The following ADGRD1 variants were observed in gnomAD, a reference collection of about 807,000 sequenced individuals.
The protein encoded by ADGRD1 is adhesion G protein-coupled receptor D1, also known as G-protein coupled receptor 133.
A neutral mutation model predicts 113.4 loss-of-function variants in ADGRD1; 77 were observed. The ratio of observed to expected loss-of-function variants is 0.68; its 90% CI spans 0.57 to 0.82. ADGRD1 has a LOEUF of 0.82. Among genes scored for constraint, ADGRD1 ranks in the 40% least tolerant of loss-of-function variants. ADGRD1 has a pLI of 0.00. For synonymous variants in ADGRD1, 474 were observed against 475.0 expected, an observed-to-expected ratio of 1.00 and a Z score of 0.03; for missense variants, 1,036 against 1,139.1, an observed-to-expected ratio of 0.91 and a Z score of 1.30.
At chr12:131,081,388 G>T (rs751640114) in intron 14 of ADGRD1, among the ~76,000 whole-genome samples, 6 of 152,010 alleles carry the variant, frequency 3.9e-5, no homozygotes, top group Non-Finnish European at 7.4e-5. Flanking sequence ...TGGATTGTTG[G>T]ATATCTTTTA....
Position 131,014,264 on chromosome 12 carries a change from AG to A in ADGRD1, c.1399del (p.Val467CysfsTer25), listed in dbSNP as rs1414774271. On this transcript the variant is annotated frameshift_variant, in exon 13 of 25. Transcript: ENST00000261654. LOFTEE classifies it high-confidence loss of function. ...GCCACCAGCCACCTGATTTCCCTGGAGGTGTCCCCACCACCCACCCTGTCTC... is the reference window on the plus strand; with the variant it reads ...GCCACCAGCCACCTGATTTCCCTGGAGTGTCCCCACCACCCACCCTGTCTC... Reference protein sequence around the residue: ...LFATSHLISLEVSPPPTLSQN... With the variant: ...LFATSHLISLXVSPPPTLSQN... The A allele has an allele frequency of 3.7e-6, 6 of 1,613,648 alleles. No homozygotes were observed. The highest frequency in any genetic ancestry group is 5.1e-6 in the Non-Finnish European group (6 of 1,179,668).
chr12:131,094,494 C>T (rs1055893643), intron 15 of ADGRD1, among the ~76,000 whole-genome samples: 1 of 152,144 alleles, frequency 6.6e-6, no homozygotes, highest in Non-Finnish European at 1.5e-5. Flanking sequence ...GAGGCCCCTC[C>T]ACCCATCCCT....
At chr12:130,968,904 A>C in intron 3 of ADGRD1, 2 of 829,750 alleles carry the variant, frequency 2.4e-6, no homozygotes, top group Non-Finnish European at 3.9e-6. Context: ...CTGCAGGTTG[A>C]GAGATATGTT....
chr12:131,132,372 G>T (rs934774982), intron 21 of ADGRD1, among the ~76,000 whole-genome samples: 5 of 152,194 alleles, frequency 3.3e-5, no homozygotes, highest in African/African-American at 1.2e-4. Context: ...CATCGGGGGT[G>T]TCCTGACCTG....
chr12:131,014,297 T>G lies in ADGRD1; in HGVS notation c.1430T>G (p.Leu477Arg), dbSNP rs1265444429. The G allele has an allele frequency of 6.2e-7, 1 of 1,614,006 alleles. No homozygotes were observed. Among genetic ancestry groups the G allele is most frequent in the African/African-American group, 1.3e-5 (1 of 74,954 alleles). Residue 477 changes from leucine to arginine, a missense_variant, in exon 13 of 25, where the codon CTG becomes CGG. Leu to Arg is a moderately radical substitution (Grantham distance 102). Coordinates refer to ENST00000261654, the MANE Select transcript of ADGRD1 (RefSeq NM_198827.5). The part of the protein sequence containing the change: ...VSPPPTLSQN[L>R]SGSPLITVHL... Reference sequence around the variant, plus strand: ...CCACCACCCACCCTGTCTCAGAACCTGTCGGGCTCTCCACTCATTACGGTC... The same window carrying G: ...CCACCACCCACCCTGTCTCAGAACCGGTCGGGCTCTCCACTCATTACGGTC...
At chr12:131,006,843 A>G (rs1435519483) in intron 12 of ADGRD1, among the ~76,000 whole-genome samples, 1 of 152,068 alleles carries the variant, frequency 6.6e-6, no homozygotes, top group Non-Finnish European at 1.5e-5. Context: ...AATGAAAGAA[A>G]GTGGGGGGCC....
intron 13 of ADGRD1, among the ~76,000 whole-genome samples, chr12:131,045,010 G>A (rs1882534002): frequency 6.6e-6 from 1 of 152,264 alleles, no homozygotes; most frequent in Non-Finnish European, 1.5e-5. Context: ...TTCTCCGCAG[G>A]CCGTGGTGCG....
Position 130,981,912 on chromosome 12 carries a change from A to G in ADGRD1, c.339A>G (p.Thr113=), listed in dbSNP as rs1157912138. The G allele has an allele frequency of 6.2e-7, 1 of 1,612,994 alleles. No individual in the cohort carries two copies. Among genetic ancestry groups the G allele is most frequent in the Non-Finnish European group, 8.5e-7 (1 of 1,179,374 alleles). ...TCACGTTTTCTTTTTTCTGGAAGAC[A>G]CAAGGAGAACAGTCTAGACCAATCC... The part of the protein sequence containing the change: ...EGVTFSFFWK[T]QGEQSRPIPS... The change falls in exon 5 of 25, where the codon ACA becomes ACG. Residue 113 remains threonine, a synonymous_variant. Coordinates refer to ENST00000261654, the MANE Select transcript of ADGRD1 (RefSeq NM_198827.5).
At chr12:131,131,677 A>G in intron 20 of ADGRD1, 48 bp from the exon 21 acceptor site, 1 of 1,322,798 alleles carries the variant, frequency 7.6e-7, no homozygotes, top group Non-Finnish European at 1.1e-6. Context: ...GCTCTCCTGC[A>G]GGTGCAGCCC....
chr12:131,065,772 G>C (rs1884676057), intron 13 of ADGRD1, among the ~76,000 whole-genome samples: 1 of 139,630 alleles, frequency 7.2e-6, no homozygotes, highest in South Asian at 2.6e-4. Flanking sequence ...GTAGATGAGG[G>C]AGAGGTTTGC....
At chr12:130,990,669 C>T in intron 6 of ADGRD1, 1 of 204,804 alleles carries the variant, frequency 4.9e-6, no homozygotes, top group Non-Finnish European at 9.9e-6. Context: ...TTATCTCCAA[C>T]CAGTCTGGAT....
intron 20 of ADGRD1, among the ~76,000 whole-genome samples, chr12:131,128,351 A>G (rs1018986400): frequency 5.9e-5 from 9 of 152,046 alleles, no homozygotes; most frequent in Non-Finnish European, 1.3e-4. Context: ...GATCCTCTCC[A>G]GCATCTCCAG....
At chr12:131,043,884 A>G (rs1882399271) in intron 13 of ADGRD1, among the ~76,000 whole-genome samples, 1 of 152,138 alleles carries the variant, frequency 6.6e-6, no homozygotes, top group South Asian at 2.1e-4. Context: ...CCACCCTGGG[A>G]TGAGTGGGAA....
chr12:131,026,980 AG>A (rs1880037499), intron 13 of ADGRD1: 1 of 152,160 alleles, frequency 6.6e-6, no homozygotes, highest in African/African-American at 2.4e-5. Flanking sequence ...ACCATATTTG[AG>A]GGAGATGAAA....
chr12:130,985,157 A>G (rs1489873459), intron 5 of ADGRD1, among the ~76,000 whole-genome samples: 1 of 151,362 alleles, frequency 6.6e-6, no homozygotes. Context: ...GGCTGGTCTC[A>G]AACTCCTGGC....
At chr12:130,987,508 C>A in intron 6 of ADGRD1, 159 bp downstream of exon 6, 2 of 698,892 alleles carry the variant, frequency 2.9e-6, no homozygotes, top group Non-Finnish European at 4.7e-6. Context: ...TGTTAGAACA[C>A]CTGTTCCCTG....
chr12:130,978,720 T>C (rs1593285815), intron 4 of ADGRD1: 2 of 152,380 alleles, frequency 1.3e-5, no homozygotes, highest in African/African-American at 4.8e-5. Context: ...TTTTTATTTT[T>C]ATTTTTCTTC....
chr12:131,038,129 A>C (rs1445082624), intron 13 of ADGRD1, among the ~76,000 whole-genome samples: 3 of 152,148 alleles, frequency 2.0e-5, no homozygotes, highest in African/African-American at 7.2e-5. Flanking sequence ...TCACTGCATC[A>C]TTTGGGGGTT....
intron 3 of ADGRD1, chr12:130,967,518 C>T (rs571572563): frequency 3.2e-5 from 5 of 154,138 alleles, no homozygotes; most frequent in East Asian, 1.9e-4. Flanking sequence ...GCACGTGCTT[C>T]GGTCGTCCCT....
Sources: gnomAD v4.1 joint callset for allele counts (sites outside exome capture counted in the v4.1 genomes callset) on GRCh38, gnomAD v4.1.1 for gene constraint, MANE v1.5 for transcripts, NCBI Gene and HGNC (gene_info 2026-07-23, HGNC 2026-07-21) for gene names.